TAFA1: variants seen among roughly 807,000 people sequenced by gnomAD.
The protein encoded by TAFA1 is TAFA chemokine like family member 1.
TAFA1 carries 4 observed loss-of-function variants against 18.5 expected under a neutral mutation model. The observed-to-expected ratio is 0.22, with a 90% CI of 0.11 to 0.49. The LOEUF (loss-of-function observed/expected upper bound fraction) is 0.49. Ranked by LOEUF, TAFA1 falls within the 20% of genes least tolerant of loss-of-function variation. TAFA1 has a pLI of 0.98. For missense variants in TAFA1, 147 were observed against 169.0 expected (o/e 0.87, Z 0.72); for synonymous variants, 56 against 55.2 (o/e 1.01, Z -0.06).
At chr3:68,173,891 A>G (rs1327418084) in intron 2 of TAFA1, among the ~76,000 whole-genome samples, 2 of 50,414 alleles carry the variant, frequency 4.0e-5, no homozygotes, top group Non-Finnish European at 8.3e-5. Flanking sequence ...ACAGGGTTAT[A>G]GGATATTTAA....
chr3:68,286,556 G>A (rs1575747379), intron 2 of TAFA1, among the ~76,000 whole-genome samples: 1 of 152,088 alleles, frequency 6.6e-6, no homozygotes, highest in Non-Finnish European at 1.5e-5. Context: ...ATGCAAAGAA[G>A]GATTAATAAG....
intron 2 of TAFA1, among the ~76,000 whole-genome samples, chr3:68,300,913 T>A (rs1025069338): frequency 3.3e-5 from 5 of 152,176 alleles, no homozygotes; most frequent in Non-Finnish European, 7.3e-5. Flanking sequence ...CCAGCCATGC[T>A]AAATTGTAAG....
Position 68,468,752 on chromosome 3 carries a change from T to G in TAFA1, c.259+51332T>G, listed in dbSNP as rs188055298. Among the ~76,000 whole-genome samples the G allele has an allele frequency of 5.6e-4, 86 of 152,306 alleles. 1 individual carries two copies. Among genetic ancestry groups the G allele is most frequent in the African/African-American group, 1.8e-3 (75 of 41,560 alleles). ...TTGAGAGTTGGAAATATTGTTGAGA[T>G]TTTTGAGATTTATGGGATTTTTTCA... On this transcript the variant is annotated intron_variant, in intron 3 of 4. Transcript: ENST00000478136.
At chr3:68,181,532 T>C (rs917350552) in intron 2 of TAFA1, among the ~76,000 whole-genome samples, 2 of 152,222 alleles carry the variant, frequency 1.3e-5, no homozygotes, top group African/African-American at 2.4e-5. Context: ...TTAGCTGTTA[T>C]GAGAGACTGT....
chr3:68,422,304 A>G (rs1433626436), intron 3 of TAFA1, among the ~76,000 whole-genome samples: 1 of 152,060 alleles, frequency 6.6e-6, no homozygotes, highest in Non-Finnish European at 1.5e-5. Flanking sequence ...GCATTTACAG[A>G]GTTTCTTGCA....
chr3:68,224,831 G>T (rs2066776110), intron 2 of TAFA1, among the ~76,000 whole-genome samples: 1 of 151,378 alleles, frequency 6.6e-6, no homozygotes, highest in Admixed American at 6.6e-5. Context: ...TTACGAGCCA[G>T]GAGGTGTGGG....
chr3:68,360,077 T>C (rs1221817424), intron 2 of TAFA1, among the ~76,000 whole-genome samples: 1 of 151,972 alleles, frequency 6.6e-6, no homozygotes, highest in Non-Finnish European at 1.5e-5. Flanking sequence ...GCAGCTATGA[T>C]TGAAGTATGG....
Position 68,006,621 on chromosome 3 carries a change from T to A in TAFA1, c.-3-3T>A, listed in dbSNP as rs1034347566. On this transcript the variant is annotated splice_polypyrimidine_tract_variant and splice_region_variant and intron_variant, in intron 1 of 4. Coordinates refer to ENST00000478136, the MANE Select transcript of TAFA1 (RefSeq NM_213609.4). ...AACCTTTCCTGTCGAATGTTCTCTT[T>A]AGAGAATGGCAATGGTCTCTGCGAT... is the stretch of plus-strand genomic sequence containing the variant. 4 of 1,606,376 alleles carry A rather than the reference T, an allele frequency of 2.5e-6. No homozygotes were observed. The highest frequency in any genetic ancestry group is 3.4e-6 in the Non-Finnish European group (4 of 1,172,948).
chr3:68,041,931 G>A (rs1044796555), intron 2 of TAFA1, among the ~76,000 whole-genome samples: 1 of 151,000 alleles, frequency 6.6e-6, no homozygotes, highest in Non-Finnish European at 1.5e-5. Context: ...ACCTGGAGTA[G>A]AGATTGCAAA....
At chr3:68,263,460 C>CACACAG (rs2067478115) in intron 2 of TAFA1, among the ~76,000 whole-genome samples, 1 of 151,332 alleles carries the variant, frequency 6.6e-6, no homozygotes, top group African/African-American at 2.4e-5. Flanking sequence ...CACACACACA[C>CACACAG]ACACACACAC....
At chr3:68,012,197 C>T (rs1704486122) in intron 2 of TAFA1, among the ~76,000 whole-genome samples, 1 of 152,182 alleles carries the variant, frequency 6.6e-6, no homozygotes, top group African/African-American at 2.4e-5. Flanking sequence ...AGTAACATCT[C>T]CCAAGATGTA....
intron 2 of TAFA1, among the ~76,000 whole-genome samples, chr3:68,040,151 G>A (rs1362252016): frequency 6.6e-6 from 1 of 152,132 alleles, no homozygotes; most frequent in Non-Finnish European, 1.5e-5. Context: ...AAATATTTTT[G>A]GGATGATATT....
chr3:68,423,004 C>T (rs1472698095), intron 3 of TAFA1, among the ~76,000 whole-genome samples: 2 of 151,900 alleles, frequency 1.3e-5, no homozygotes, highest in African/African-American at 4.8e-5. Context: ...AGGTTGATGA[C>T]TCAAAACACA....
chr3:68,004,496 G>A lies in TAFA1; in HGVS notation c.-210G>A, dbSNP rs770670070. 2.0e-5 allele frequency: 3 copies of A among 152,008 alleles called. No individual in the cohort carries two copies. The highest frequency in any genetic ancestry group is 1.3e-4 in the Admixed American group (2 of 15,274). The allele number at this position is 152,008 out of a possible 1,614,324, so 9.4% of individuals were successfully genotyped here. A position where few individuals can be genotyped will look rare whatever the true frequency, so the allele number is the denominator to read the frequency against. ...CCTTGGCTCCTTTTCTGACAATACA[G>A]TCTGAATGAACCCGATGTCTTTTTT... On this transcript the variant is annotated 5_prime_UTR_variant, in exon 1 of 5. Coordinates refer to ENST00000478136, the MANE Select transcript of TAFA1 (RefSeq NM_213609.4).
At chr3:68,356,199 AC>A (rs755664444) in intron 2 of TAFA1, among the ~76,000 whole-genome samples, 17 of 151,964 alleles carry the variant, frequency 1.1e-4, no homozygotes, top group Admixed American at 2.6e-4. Flanking sequence ...GAATAAAAAA[AC>A]AATTTGATAT....
At chr3:68,315,691 G>A (rs571589547) in intron 2 of TAFA1, among the ~76,000 whole-genome samples, 1 of 152,274 alleles carries the variant, frequency 6.6e-6, no homozygotes, top group South Asian at 2.1e-4. Context: ...TGCAAATTGT[G>A]TTTACTAGTA....
At chr3:68,282,569 A>G (rs2067918885) in intron 2 of TAFA1, among the ~76,000 whole-genome samples, 1 of 152,176 alleles carries the variant, frequency 6.6e-6, no homozygotes, top group Admixed American at 6.5e-5. Flanking sequence ...TGAGACAAGG[A>G]AGCACAGTTA....
At chr3:68,480,874 C>T (rs573664642) in intron 3 of TAFA1, among the ~76,000 whole-genome samples, 42 of 152,220 alleles carry the variant, frequency 2.8e-4, no homozygotes, top group Non-Finnish European at 5.1e-4. Context: ...ATTATAGGGG[C>T]AGTTTCCCTC....
intron 2 of TAFA1, among the ~76,000 whole-genome samples, chr3:68,085,216 G>T (rs1340305517): frequency 6.6e-6 from 1 of 152,102 alleles, no homozygotes; most frequent in Non-Finnish European, 1.5e-5. Flanking sequence ...TAAGTCTAAA[G>T]TCAGTAACCA....
Sources: gnomAD v4.1 joint callset for allele counts (sites outside exome capture counted in the v4.1 genomes callset) on GRCh38, gnomAD v4.1.1 for gene constraint, MANE v1.5 for transcripts, NCBI Gene and HGNC (gene_info 2026-07-23, HGNC 2026-07-21) for gene names.